TRHDE: variants seen among roughly 807,000 people sequenced by gnomAD.
TRHDE encodes the protein thyrotropin releasing hormone degrading enzyme, also known as thyrotropin-releasing hormone-degrading ectoenzyme.
Under a neutral mutation model 125.7 loss-of-function variants are expected in TRHDE, and 72 were observed. The ratio of observed to expected loss-of-function variants is 0.57; its 90% CI spans 0.47 to 0.70. TRHDE has a LOEUF of 0.70. Ranked by LOEUF, TRHDE falls within the 30% of genes least tolerant of loss-of-function variation. TRHDE has a pLI of 0.00. For synonymous variants in TRHDE, 509 were observed against 509.1 expected, an observed-to-expected ratio of 1.00 and a Z score of 0.00; for missense variants, 1,110 against 1,327.1, an observed-to-expected ratio of 0.84 and a Z score of 2.54.
In TRHDE at chr12:72,131,361, C is replaced by T. The variant is rs548563215; in HGVS notation, n.279+25609C>T. ...TGCTGGAATTACAGGTGTGAGCCAC[C>T]GCGCCCGGCCTCTACTTAATGTATT... On this transcript the variant is annotated intron_variant and non_coding_transcript_variant, in intron 2 of 4. Coordinates refer to the TRHDE transcript ENST00000548156. Among the ~76,000 whole-genome samples the T allele has an allele frequency of 3.3e-5, 5 of 151,968 alleles. No individual in the cohort carries two copies. The South Asian group carries it at 6.2e-4, about 19-fold the overall frequency.
At chr12:72,091,122 C>G (rs969285946) in intron 1 of TRHDE, among the ~76,000 whole-genome samples, 2 of 152,146 alleles carry the variant, frequency 1.3e-5, no homozygotes, top group Admixed American at 1.3e-4. Context: ...GATCCTCCCT[C>G]TTCAGCCTCC....
intron 5 of TRHDE, among the ~76,000 whole-genome samples, chr12:72,486,598 G>T (rs946496165): frequency 7.9e-5 from 12 of 152,096 alleles, no homozygotes; most frequent in Non-Finnish European, 1.3e-4. Flanking sequence ...CACTGCACCC[G>T]CATGGAACCA....
chr12:72,247,474 T>TC (rs1878596425), intron 2 of TRHDE, among the ~76,000 whole-genome samples: 1 of 152,124 alleles, frequency 6.6e-6, no homozygotes, highest in Non-Finnish European at 1.5e-5. Context: ...ACAATGGCTC[T>TC]CCATCTGTCT....
At chr12:72,219,668 C>T (rs1877964106) in intron 2 of TRHDE, among the ~76,000 whole-genome samples, 1 of 152,096 alleles carries the variant, frequency 6.6e-6, no homozygotes, top group Non-Finnish European at 1.5e-5. Context: ...AAGGTCATCA[C>T]AAAAGTGTGT....
chr12:72,520,501 TGCGCACGGTGC>T lies in TRHDE; in HGVS notation c.1722+20873_1722+20883del, dbSNP rs201117978. ...GGCAATGCCTCGCCCTGCTTCTGCT[TGCGCACGGTGC>T]GCGCACCCACTGACCTGCGCCCACT... On this transcript the variant is annotated intron_variant, in intron 6 of 18. Coordinates refer to ENST00000261180, the MANE Select transcript of TRHDE (RefSeq NM_013381.3). Among the ~76,000 whole-genome samples the T allele has an allele frequency of 8.3e-3, 1,268 of 152,256 alleles. 55 individuals are homozygous for T. The highest frequency in any genetic ancestry group is 0.072 in the Admixed American group (1,106 of 15,284).
At chr12:72,210,991 G>A (rs1022698259) in intron 2 of TRHDE, among the ~76,000 whole-genome samples, 11 of 152,224 alleles carry the variant, frequency 7.2e-5, no homozygotes, top group African/African-American at 2.4e-4. Flanking sequence ...TTAGCAGCTG[G>A]CTGGCCATGT....
At chr12:72,419,366 G>A (rs1448602320) in intron 3 of TRHDE, among the ~76,000 whole-genome samples, 1 of 152,176 alleles carries the variant, frequency 6.6e-6, no homozygotes, top group African/African-American at 2.4e-5. Flanking sequence ...TCTGAGGCTA[G>A]GTAATTTATA....
chr12:72,656,855 A>T lies in TRHDE; in HGVS notation c.2985-72A>T, dbSNP rs1751515671. ...CAAATCGAACCCTTGAGAAAACTCTAAAAAATCTTTATAGTAATATTTTTT... is the reference window on the plus strand; with the variant it reads ...CAAATCGAACCCTTGAGAAAACTCTTAAAAATCTTTATAGTAATATTTTTT... On this transcript the variant is annotated intron_variant, in intron 17 of 18. Coordinates refer to ENST00000261180, the MANE Select transcript of TRHDE (RefSeq NM_013381.3). 2.8e-6 allele frequency: 3 copies of T among 1,081,958 alleles called. No individual in the cohort carries two copies. In the Admixed American group the frequency reaches 6.1e-5, roughly 22 times the overall value. 67.0% of individuals were successfully genotyped at this position (1,081,958 alleles called of 1,614,324 possible). A position where few individuals can be genotyped will look rare whatever the true frequency, so the allele number is the denominator to read the frequency against.
intron 2 of TRHDE, among the ~76,000 whole-genome samples, chr12:72,307,554 A>T (rs1343740662): frequency 6.6e-6 from 1 of 152,104 alleles, no homozygotes. Context: ...GAGATTATGT[A>T]AGTGGTTACT....
intron 2 of TRHDE, among the ~76,000 whole-genome samples, chr12:72,375,475 G>T (rs900041202): frequency 6.6e-6 from 1 of 152,126 alleles, no homozygotes; most frequent in Non-Finnish European, 1.5e-5. Context: ...CAGACAGCTT[G>T]ACTAACTGGT....
chr12:72,516,894 T>G lies in TRHDE; in HGVS notation c.1722+17259T>G, dbSNP rs573039942. Among the ~76,000 whole-genome samples, 146 of 152,302 alleles carry G rather than the reference T, an allele frequency of 9.6e-4. 2 individuals are homozygous for G. In the South Asian group the frequency reaches 0.029, roughly 30 times the overall value. On this transcript the variant is annotated intron_variant, in intron 6 of 18. Transcript: ENST00000261180. The stretch of plus-strand genomic sequence containing the variant: ...TGTCAAAGGCCTTTTCTGCATCTAT[T>G]GAGATAATCATGTGGTTTTTGTCTT...
chr12:72,451,799 T>G (rs866338850), intron 3 of TRHDE, among the ~76,000 whole-genome samples: 10 of 152,116 alleles, frequency 6.6e-5, no homozygotes, highest in Middle Eastern at 3.2e-3. Flanking sequence ...TATTTGTGTC[T>G]TTTTCTTTTC....
intron 2 of TRHDE, among the ~76,000 whole-genome samples, chr12:72,122,244 G>A (rs1291897513): frequency 6.6e-6 from 1 of 152,084 alleles, no homozygotes; most frequent in Non-Finnish European, 1.5e-5. Context: ...TTACCCAATT[G>A]CAAAGGATTT....
At chr12:72,215,798 T>C (rs1376294393) in intron 2 of TRHDE, among the ~76,000 whole-genome samples, 1 of 151,878 alleles carries the variant, frequency 6.6e-6, no homozygotes, top group Non-Finnish European at 1.5e-5. Flanking sequence ...GGGATGGGGG[T>C]GGTTGGCGCT....
At chr12:72,217,327 G>A (rs376043356) in intron 2 of TRHDE, among the ~76,000 whole-genome samples, 4 of 152,100 alleles carry the variant, frequency 2.6e-5, no homozygotes, top group African/African-American at 4.8e-5. Flanking sequence ...TCTAGCCTTT[G>A]GTTTCCTAAA....
intron 3 of TRHDE, among the ~76,000 whole-genome samples, chr12:72,397,909 T>C (rs918879091): frequency 6.6e-6 from 1 of 151,844 alleles, no homozygotes; most frequent in African/African-American, 2.4e-5. Context: ...TGTATACATA[T>C]GCCATGCTGG....
At chr12:72,287,181 C>T (rs1454542625) in intron 2 of TRHDE, among the ~76,000 whole-genome samples, 1 of 152,110 alleles carries the variant, frequency 6.6e-6, no homozygotes, top group Non-Finnish European at 1.5e-5. Flanking sequence ...ACCTCCACCT[C>T]CCTCCCCCAT....
intron 2 of TRHDE, among the ~76,000 whole-genome samples, chr12:72,328,263 G>A (rs775379717): frequency 1.3e-5 from 2 of 152,116 alleles, no homozygotes; most frequent in Non-Finnish European, 2.9e-5. Context: ...AGGCATTCAA[G>A]GACAATTAAA....
chr12:72,559,495 A>G (rs1870074775), intron 7 of TRHDE, among the ~76,000 whole-genome samples: 7 of 152,168 alleles, frequency 4.6e-5, no homozygotes, highest in Admixed American at 3.3e-4. Context: ...TTCTTGTTAA[A>G]TAGAGTTTTA....
Sources: allele counts gnomAD v4.1 joint callset (sites outside exome capture counted in the v4.1 genomes callset), GRCh38; gene constraint gnomAD v4.1.1; transcripts MANE v1.5; gene names NCBI Gene and HGNC (gene_info 2026-07-23, HGNC 2026-07-21).